Variants in PSD2 observed in about 807,000 individuals in gnomAD.
PSD2 encodes the protein PH and SEC7 domain-containing protein 2.
Under a neutral mutation model 69.8 loss-of-function variants are expected in PSD2, and 38 were observed. That is an observed-to-expected ratio of 0.54 (90% confidence interval 0.42 to 0.71). The LOEUF (loss-of-function observed/expected upper bound fraction) is 0.71, where lower values mean the gene tolerates loss of function less well. Among genes scored for constraint, PSD2 ranks in the 30% least tolerant of loss-of-function variants. The pLI is 0.00. For synonymous variants in PSD2, 412 were observed against 423.0 expected (o/e 0.97, Z 0.32); for missense variants, 943 against 1,014.5 (o/e 0.93, Z 0.96).
the PSD2 span, among the ~76,000 whole-genome samples, chr5:139,787,156 G>A: frequency 6.6e-6 from 1 of 152,152 alleles, no homozygotes; most frequent in African/African-American, 2.4e-5. Flanking sequence ...GATGGAGGTG[G>A]CATGAAAACA....
chr5:139,778,928 C>CA, the PSD2 span, among the ~76,000 whole-genome samples: 4 of 53,120 alleles, frequency 7.5e-5, no homozygotes, highest in Admixed American at 2.3e-4. Context: ...GCCAATGTCT[C>CA]AAAAAAAGAA....
At chr5:139,774,720 G>T in the PSD2 span, among the ~76,000 whole-genome samples, 1 of 152,156 alleles carries the variant, frequency 6.6e-6, no homozygotes, top group African/African-American at 2.4e-5. Context: ...TGGAACTCCT[G>T]ACCTCGTGAT....
At chr5:139,827,350 G>T (rs575707812) in intron 7 of PSD2, among the ~76,000 whole-genome samples, 1 of 152,318 alleles carries the variant, frequency 6.6e-6, no homozygotes, top group Non-Finnish European at 1.5e-5. Flanking sequence ...ACATAAAATC[G>T]GACCAATTAG....
At chr5:139,792,716 C>G (rs535621060), upstream of PSD2, among the ~76,000 whole-genome samples, 14 of 152,024 alleles carry the variant, frequency 9.2e-5, 1 homozygote, top group Middle Eastern at 0.01. Context: ...CTCTTTCTTT[C>G]TTTTCTTTTC....
At chr5:139,820,367 C>CG (rs5871708) in intron 5 of PSD2, among the ~76,000 whole-genome samples, 43,718 of 151,566 alleles carry the variant, frequency 0.29, 7,203 homozygotes, top group African/African-American at 0.46. Flanking sequence ...GAGAAGAGAA[C>CG]GGGAGCAAGA....
Position 139,809,427 on chromosome 5 carries a change from A to G in PSD2, c.-14A>G. 6.2e-7 allele frequency: 1 copy of G among 1,608,214 alleles called. No homozygotes were observed. The highest frequency in any genetic ancestry group is 8.5e-7 in the Non-Finnish European group (1 of 1,178,426). On this transcript the variant is annotated 5_prime_UTR_variant, in exon 2 of 15. Coordinates refer to ENST00000274710, the MANE Select transcript of PSD2 (RefSeq NM_032289.4). The stretch of plus-strand genomic sequence containing the variant: ...TCCCAGGAGCAGCCAGGACAGGCGG[A>G]AGCAGTGGCTGCCATGGAGGAGGAC...
chr5:139,779,150 A>G, the PSD2 span, among the ~76,000 whole-genome samples: 3 of 151,852 alleles, frequency 2.0e-5, no homozygotes, highest in African/African-American at 7.3e-5. Context: ...TTATTTCCAT[A>G]GGTTATTGGG....
the PSD2 span, among the ~76,000 whole-genome samples, chr5:139,752,696 A>G: frequency 6.6e-6 from 1 of 152,288 alleles, no homozygotes; most frequent in Admixed American, 6.5e-5. Context: ...AAGGGCACAC[A>G]AGCACATCTG....
At chr5:139,812,664 T>C (rs542538118) in intron 2 of PSD2, among the ~76,000 whole-genome samples, 1 of 152,318 alleles carries the variant, frequency 6.6e-6, no homozygotes, top group South Asian at 2.1e-4. Context: ...CTGCCTCCCC[T>C]GCTCTCTCTG....
the PSD2 span, among the ~76,000 whole-genome samples, chr5:139,786,105 C>T: frequency 6.6e-6 from 1 of 151,806 alleles, no homozygotes; most frequent in Non-Finnish European, 1.5e-5. Flanking sequence ...AATAAATAGC[C>T]TGGGCGCTGT....
chr5:139,835,585 A>G (rs1760695233), intron 8 of PSD2, 138 bp from the exon 9 acceptor site: 1 of 816,976 alleles, frequency 1.2e-6, no homozygotes, highest in South Asian at 1.5e-5. Context: ...CCATCCAGCA[A>G]ATAAGTATGA....
At chr5:139,756,707 G>A in the PSD2 span, among the ~76,000 whole-genome samples, 1 of 152,190 alleles carries the variant, frequency 6.6e-6, no homozygotes, top group Non-Finnish European at 1.5e-5. Flanking sequence ...AGGGTTAGGA[G>A]CAATGGAGGG....
Position 139,844,047 on chromosome 5 carries a change from G to A in PSD2, c.*1573G>A, listed in dbSNP as rs1379172692. On this transcript the variant is annotated 3_prime_UTR_variant, in exon 15 of 15. Transcript: ENST00000274710. ...GATTATTTAAGTTGGATCAGCTGAA[G>A]TGTGTTTTAGACCCAAACCATCTGG... 1 of 152,256 alleles carries A rather than the reference G, an allele frequency of 6.6e-6. No individual in the cohort carries two copies. The highest frequency in any genetic ancestry group is 2.4e-5 in the African/African-American group (1 of 41,468). The allele number at this position is 152,256 out of a possible 1,614,324, so 9.4% of individuals were successfully genotyped here.
At chr5:139,812,510 G>A (rs1362008234) in intron 2 of PSD2, among the ~76,000 whole-genome samples, 9 of 152,156 alleles carry the variant, frequency 5.9e-5, no homozygotes, top group Non-Finnish European at 1.5e-5. Context: ...TACTATGTGC[G>A]GGGTGCTCCC....
chr5:139,755,972 A>G, the PSD2 span, among the ~76,000 whole-genome samples: 1 of 152,182 alleles, frequency 6.6e-6, no homozygotes, highest in Non-Finnish European at 1.5e-5. Context: ...GGTTCAGTGT[A>G]TGTGCCTATC....
At chr5:139,769,280 G>C in the PSD2 span, among the ~76,000 whole-genome samples, 2 of 152,104 alleles carry the variant, frequency 1.3e-5, no homozygotes, top group African/African-American at 4.8e-5. Context: ...TGGCGGCGGG[G>C]GTTGGGGGAG....
chr5:139,792,765 CCCTT>C (rs1045067066), upstream of PSD2, among the ~76,000 whole-genome samples: 18 of 149,800 alleles, frequency 1.2e-4, no homozygotes, highest in South Asian at 2.1e-4. Context: ...TTCTCTTTCT[CCCTT>C]CCTTCCTTCC....
chr5:139,787,870 C>G, the PSD2 span, among the ~76,000 whole-genome samples: 4 of 152,254 alleles, frequency 2.6e-5, no homozygotes, highest in African/African-American at 7.2e-5. Context: ...ACGGCACGGC[C>G]TTCGGAGACA....
chr5:139,769,713 C>T, the PSD2 span, among the ~76,000 whole-genome samples: 1 of 152,244 alleles, frequency 6.6e-6, no homozygotes, highest in East Asian at 1.9e-4. Flanking sequence ...CCATGGGTGG[C>T]CTTGTGACCC....
Sources: allele counts gnomAD v4.1 joint callset (sites outside exome capture counted in the v4.1 genomes callset), GRCh38; gene constraint gnomAD v4.1.1; transcripts MANE v1.5; gene names NCBI Gene and HGNC (gene_info 2026-07-23, HGNC 2026-07-21).